Variants in ADGRB2 observed in about 807,000 individuals in gnomAD.
The protein encoded by ADGRB2 is adhesion G protein-coupled receptor B2.
A neutral mutation model predicts 178.7 loss-of-function variants in ADGRB2; 47 were observed. The observed-to-expected ratio is 0.26, with a 90% CI of 0.21 to 0.34. The LOEUF (loss-of-function observed/expected upper bound fraction) is 0.34. Among genes scored for constraint, ADGRB2 ranks in the 10% least tolerant of loss-of-function variants. The pLI, the probability that ADGRB2 is intolerant of heterozygous loss-of-function variation, is 1.00. For synonymous variants in ADGRB2, 870 were observed against 912.4 expected (o/e 0.95, Z 0.84); for missense variants, 1,584 against 2,180.8 (o/e 0.73, Z 5.45).
chr1:31,757,153 C>A, intron 3 of ADGRB2, 48 bp downstream of exon 3: 2 of 1,614,026 alleles, frequency 1.2e-6, no homozygotes, highest in South Asian at 2.2e-5. Flanking sequence ...GTCAGCCCAT[C>A]AACTACAAGC....
At chr1:31,734,736 C>G (rs1272421190) in intron 25 of ADGRB2, among the ~76,000 whole-genome samples, 2 of 152,210 alleles carry the variant, frequency 1.3e-5, no homozygotes, top group Non-Finnish European at 2.9e-5. Context: ...CTCTGAAATG[C>G]TAAGTCTCAG....
At chr1:31,732,890 C>T in intron 26 of ADGRB2, 82 bp downstream of exon 26, 23 of 1,477,542 alleles carry the variant, frequency 1.6e-5, no homozygotes, top group Non-Finnish European at 1.9e-5. Context: ...GGGCCTCGAT[C>T]CTCCCGGTCT....
rs1646728811 is a variant in ADGRB2 at position 31,754,381 on chromosome 1, C to T, written c.838+1618G>A. On this transcript the variant is annotated intron_variant, in intron 4 of 32. Coordinates refer to ENST00000373658, the MANE Select transcript of ADGRB2 (RefSeq NM_001364857.2). The surrounding 1 kb of genome is among the most constrained non-coding windows in gnomAD (Gnocchi z 5.7). ...AGGGAAAGCCAGACAAAAGAACCCG[C>T]CTGCAGCTGAGCACGATGGGGGAGA... 6.6e-6 allele frequency among the ~76,000 whole-genome samples: 1 copy of T among 152,268 alleles called. No homozygotes were observed. The highest frequency in any genetic ancestry group is 2.4e-5 in the African/African-American group (1 of 41,478).
chr1:31,738,767 C>A (rs1645770182), intron 16 of ADGRB2, 65 bp downstream of exon 16: 1 of 1,600,818 alleles, frequency 6.2e-7, no homozygotes, highest in African/African-American at 1.3e-5. Flanking sequence ...GTGCTTCCCA[C>A]CAGCCAGGCC....
Position 31,739,355 on chromosome 1 carries a change from G to C in ADGRB2, c.2448C>G (p.Ile816Met), listed in dbSNP as rs139108389. 4.3e-5 allele frequency: 65 copies of C among 1,496,996 alleles called. No homozygotes were observed. The highest frequency in any genetic ancestry group is 5.4e-5 in the South Asian group (4 of 74,176). The allele number at this position is 1,496,996 out of a possible 1,614,324, so 92.7% of individuals were successfully genotyped here. Reference sequence around the variant, plus strand: ...CAAGGGTGCGGTAGAGTACAGCACCGATCACAAAGTAGGAGGACTCATCAG... The same window carrying C: ...CAAGGGTGCGGTAGAGTACAGCACCCATCACAAAGTAGGAGGACTCATCAG... Reference protein sequence around the residue: ...ADPDESSYFVIGAVLYRTLGL... With the variant: ...ADPDESSYFVMGAVLYRTLGL... The change falls in exon 15 of 33, where the codon ATC (isoleucine) becomes ATG (methionine). Residue 816 changes from isoleucine to methionine, a missense_variant. Around this residue, in one of 3 missense-constraint regions of ADGRB2, gnomAD observed 865 missense variants for 1,192.8 expected, o/e 0.73. Coordinates refer to ENST00000373658, the MANE Select transcript of ADGRB2 (RefSeq NM_001364857.2).
Position 31,738,840 on chromosome 1 carries a change from T to C in ADGRB2, c.2593A>G (p.Ile865Val), listed in dbSNP as rs774284340. Residue 865 changes from isoleucine (I) to valine (V), a missense_variant, in exon 16 of 33, where the codon ATC becomes GTC. Physicochemically the swap from Ile to Val is conservative, Grantham distance 29. This residue lies in a region of ADGRB2 where 865 missense variants were observed against 1,192.8 expected (regional missense o/e 0.73). Transcript: ENST00000373658. ...EPLITVELSYIINGTTDPHCA... is the reference protein window; with the variant it reads ...EPLITVELSYVINGTTDPHCA... ...CATGGATCTCCACTCACATTGATGA[T>C]GTAGGAGAGCTCCACAGTGATGAGG... The C allele has an allele frequency of 6.2e-7, 1 of 1,613,980 alleles. No homozygotes were observed. The highest frequency in any genetic ancestry group is 8.5e-7 in the Non-Finnish European group (1 of 1,179,960).
rs71006321 is a variant in ADGRB2 at position 31,728,803 on chromosome 1, AACACACACACACACACACACAC to A, written c.4381-192_4381-171del. Among the ~76,000 whole-genome samples the A allele has an allele frequency of 8.7e-6, 1 of 115,436 alleles. No homozygotes were observed. The highest frequency in any genetic ancestry group is 1.8e-5 in the Non-Finnish European group (1 of 54,906). 75.7% of individuals were successfully genotyped at this position (115,436 alleles called of 152,430 possible). ...TGGGGCAGCTTTTCAGGCCTCACTG[AACACACACACACACACACACAC>A]ACACACACACACACACACACACGTC... On this transcript the variant is annotated intron_variant, in intron 29 of 32. Coordinates refer to ENST00000373658, the MANE Select transcript of ADGRB2 (RefSeq NM_001364857.2). This position sits in a 1 kb window ranked among gnomAD's most constrained non-coding sequence, Gnocchi z 6.7.
In ADGRB2 at chr1:31,728,335, C is replaced by A; in HGVS notation, c.4417-55G>T. On this transcript the variant is annotated intron_variant, in intron 30 of 32. Coordinates refer to ENST00000373658, the MANE Select transcript of ADGRB2 (RefSeq NM_001364857.2). This position sits in a 1 kb window ranked among gnomAD's most constrained non-coding sequence, Gnocchi z 6.7. ...TCCCCGGGGCAGCACCATGATCCCC[C>A]CTACCCAGGGCACTCAGCACCCCAA... 1.9e-6 allele frequency: 3 copies of A among 1,564,782 alleles called. No individual in the cohort carries two copies. In the South Asian group the frequency reaches 3.4e-5, roughly 18 times the overall value.
rs1220297169 is a variant in ADGRB2, at chr1:31,739,948, A to C, written c.2145T>G (p.Ser715=). The part of the protein sequence containing the change: ...VGDALKAFQS[S]LIVTDNLVIS... The stretch of plus-strand genomic sequence containing the variant: ...TACCTAGATTATCTGTGACAATCAG[A>C]GAGCTCTGGAAGGCCTTGAGAGCAT... The change falls in exon 14 of 33, where the codon TCT becomes TCG. Residue 715 remains serine (S), a synonymous_variant. Coordinates refer to ENST00000373658, the MANE Select transcript of ADGRB2 (RefSeq NM_001364857.2). The C allele has an allele frequency of 1.9e-6, 3 of 1,614,026 alleles. No individual in the cohort carries two copies. The highest frequency in any genetic ancestry group is 2.5e-6 in the Non-Finnish European group (3 of 1,180,000).
Position 31,758,521 on chromosome 1 carries a change from G to C in ADGRB2, c.-190-1010C>G, listed in dbSNP as rs1357299495. On this transcript the variant is annotated intron_variant, in intron 1 of 32. Coordinates refer to ENST00000373658, the MANE Select transcript of ADGRB2 (RefSeq NM_001364857.2). This position sits in a 1 kb window ranked among gnomAD's most constrained non-coding sequence, Gnocchi z 4.2. The stretch of plus-strand genomic sequence containing the variant: ...TCAGGAGTCTAAACAGCAGGCAGAG[G>C]GGGGACAGAATTTAGAACCCCAACT... 1.3e-5 allele frequency: 2 copies of C among 152,788 alleles called. No individual in the cohort carries two copies. The highest frequency in any genetic ancestry group is 2.1e-4 in the South Asian group (1 of 4,838). The allele number at this position is 152,788 out of a possible 1,614,324, so 9.5% of individuals were successfully genotyped here. A position where few individuals can be genotyped will look rare whatever the true frequency, so the allele number is the denominator to read the frequency against.
In ADGRB2 at chr1:31,741,041, A is replaced by C. The variant is rs1269960869; in HGVS notation, c.1794+332T>G. Among the ~76,000 whole-genome samples, 3 of 152,120 alleles carry C rather than the reference A, an allele frequency of 2.0e-5. No individual in the cohort carries two copies. Among genetic ancestry groups the C allele is most frequent in the Non-Finnish European group, 4.4e-5 (3 of 68,014 alleles). On this transcript the variant is annotated intron_variant, in intron 11 of 32. Coordinates refer to ENST00000373658, the MANE Select transcript of ADGRB2 (RefSeq NM_001364857.2). This position sits in a 1 kb window ranked among gnomAD's most constrained non-coding sequence, Gnocchi z 6.5. ...TCACTGATGCTACTCTTACCCCATG[A>C]CTGGCCCTGGGCTGGATGCTGGGGA...
rs930630501 is a variant in ADGRB2, at chr1:31,759,429, T to C, written c.-190-1918A>G. On this transcript the variant is annotated intron_variant, in intron 1 of 32. Transcript: ENST00000373658. The surrounding 1 kb of genome is among the most constrained non-coding windows in gnomAD (Gnocchi z 4.3). ...GAAGCTGGATCTCCCTCCCCTACCC[T>C]GCTCCTAGGCTGCTGCTCCCTACTC... The C allele has an allele frequency of 3.4e-5, 26 of 775,914 alleles. No individual in the cohort carries two copies. The highest frequency in any genetic ancestry group is 5.8e-5 in the Non-Finnish European group (24 of 415,804). The allele number at this position is 775,914 out of a possible 1,614,324, so 48.1% of individuals were successfully genotyped here. A position where few individuals can be genotyped will look rare whatever the true frequency, so the allele number is the denominator to read the frequency against.
In ADGRB2 at chr1:31,756,965, G is replaced by A; in HGVS notation, c.22-150C>T. ...TCCACCTGTGTGAACTTAGACAAGG[G>A]ACTTGACCTCTCTGAGCCTCAGTTT... On this transcript the variant is annotated intron_variant, in intron 3 of 32. Coordinates refer to ENST00000373658, the MANE Select transcript of ADGRB2 (RefSeq NM_001364857.2). This position sits in a 1 kb window ranked among gnomAD's most constrained non-coding sequence, Gnocchi z 8.5. The A allele has an allele frequency of 9.3e-7, 1 of 1,080,518 alleles. No homozygotes were observed. The highest frequency in any genetic ancestry group is 1.6e-5 in the South Asian group (1 of 60,726). The allele number at this position is 1,080,518 out of a possible 1,614,324, so 66.9% of individuals were successfully genotyped here. A position where few individuals can be genotyped will look rare whatever the true frequency, so the allele number is the denominator to read the frequency against.
intron 4 of ADGRB2, among the ~76,000 whole-genome samples, chr1:31,752,102 G>C (rs1646603889): frequency 6.6e-6 from 1 of 152,154 alleles, no homozygotes; most frequent in African/African-American, 2.4e-5. Flanking sequence ...TTCAGTCTGT[G>C]GCCTTGACCA....
In ADGRB2 at chr1:31,763,937, G is replaced by A; in HGVS notation, c.-244C>T. ...GCCGGCGCTGGCGGGGGCGGCCACG[G>A]GGCGCAAGTTTGCCATCCCTAAGTC... On this transcript the variant is annotated 5_prime_UTR_variant, in exon 1 of 33. Transcript: ENST00000373658. 1.0e-6 allele frequency: 1 copy of A among 985,574 alleles called. No individual in the cohort carries two copies. Among genetic ancestry groups the A allele is most frequent in the Non-Finnish European group, 1.2e-6 (1 of 830,078 alleles). The allele number at this position is 985,574 out of a possible 1,614,324, so 61.1% of individuals were successfully genotyped here.
chr1:31,734,362 G>A (rs1034387548), intron 25 of ADGRB2, among the ~76,000 whole-genome samples: 1 of 152,184 alleles, frequency 6.6e-6, no homozygotes, highest in African/African-American at 2.4e-5. Context: ...GCACAGTTGG[G>A]ATACAAACAC....
intron 27 of ADGRB2, 46 bp from the exon 28 acceptor site, chr1:31,732,200 G>T: frequency 1.2e-6 from 2 of 1,612,430 alleles, no homozygotes; most frequent in African/African-American, 2.7e-5. Flanking sequence ...GAGGATTAAT[G>T]TATCAGGGTG....
intron 1 of ADGRB2, among the ~76,000 whole-genome samples, chr1:31,762,975 C>G (rs1181125943): frequency 6.6e-6 from 1 of 152,236 alleles, no homozygotes; most frequent in Non-Finnish European, 1.5e-5. Flanking sequence ...CCGGCTGTGC[C>G]CTCGGACCAA....
intron 4 of ADGRB2, among the ~76,000 whole-genome samples, chr1:31,746,975 A>G (rs1208346136): frequency 1.3e-5 from 2 of 151,894 alleles, no homozygotes; most frequent in Non-Finnish European, 2.9e-5. Context: ...CCTGACACTC[A>G]CTTCCTGGCT....
Sources: gnomAD v4.1 joint callset for allele counts (sites outside exome capture counted in the v4.1 genomes callset) on GRCh38, gnomAD v4.1.1 for gene constraint, gnomAD v4.1.1 regional missense constraint, Gnocchi (gnomAD v3.1) non-coding constraint, MANE v1.5 for transcripts, NCBI Gene and HGNC (gene_info 2026-07-23, HGNC 2026-07-21) for gene names.